The following RNLS variants were observed in gnomAD, a reference collection of about 807,000 sequenced individuals.
The protein encoded by RNLS is renalase.
RNLS carries 39 observed loss-of-function variants against 39.8 expected under a neutral mutation model. That is an observed-to-expected ratio of 0.98 (90% CI 0.76 to 1.28). The LOEUF (loss-of-function observed/expected upper bound fraction) is 1.28, where lower values mean the gene tolerates loss of function less well. Ranked by LOEUF, RNLS falls within the 50% of genes most tolerant of loss-of-function variation. The pLI, the probability that RNLS is intolerant of heterozygous loss-of-function variation, is 0.00. For missense variants in RNLS, 410 were observed against 413.3 expected, an observed-to-expected ratio of 0.99 and a Z score of 0.07; for synonymous variants, 147 against 150.7, an observed-to-expected ratio of 0.98 and a Z score of 0.18.
At chr10:88,511,034 AC>A (rs141978290) in intron 4 of RNLS, among the ~76,000 whole-genome samples, 62,447 of 146,434 alleles carry the variant, frequency 0.43, 13,570 homozygotes, top group East Asian at 0.57. Flanking sequence ...AAAAAAAAAA[AC>A]CAAAAACCTG....
In RNLS at chr10:88,333,452, G is replaced by T. The variant is rs976141539; in HGVS notation, c.701-18811C>A. Among the ~76,000 whole-genome samples, 7 of 152,158 alleles carry T rather than the reference G, an allele frequency of 4.6e-5. No homozygotes were observed. The East Asian group carries it at 9.6e-4, about 21-fold the overall frequency. On this transcript the variant is annotated intron_variant, in intron 5 of 6. Coordinates refer to ENST00000331772, the MANE Select transcript of RNLS (RefSeq NM_001031709.3). ...CCTGAAATTTTCTACAAATGAGCCC[G>T]CATATTTACTTCCCGTTTAATAACG... is the stretch of plus-strand genomic sequence containing the variant.
intron 4 of RNLS, among the ~76,000 whole-genome samples, chr10:88,417,843 T>C (rs1854131974): frequency 6.6e-6 from 1 of 152,242 alleles, no homozygotes; most frequent in Admixed American, 6.5e-5. Flanking sequence ...CACAACTTTA[T>C]GCACTATAGA....
intron 4 of RNLS, among the ~76,000 whole-genome samples, chr10:88,386,682 A>G (rs778606762): frequency 6.6e-6 from 1 of 152,206 alleles, no homozygotes; most frequent in Non-Finnish European, 1.5e-5. Context: ...TCTAGCTATC[A>G]TTCCCATGTT....
chr10:88,356,878 C>A (rs1001708814), intron 5 of RNLS, among the ~76,000 whole-genome samples: 9 of 151,972 alleles, frequency 5.9e-5, no homozygotes, highest in African/African-American at 2.2e-4. Flanking sequence ...TTAATCTCCT[C>A]AGATTGCTGC....
At chr10:88,372,249 C>A (rs1850620914) in intron 4 of RNLS, among the ~76,000 whole-genome samples, 2 of 152,090 alleles carry the variant, frequency 1.3e-5, no homozygotes, top group Admixed American at 1.3e-4. Flanking sequence ...CTCCCCTCTC[C>A]CCCTGGCAAT....
chr10:88,197,738 C>T, the RNLS span, among the ~76,000 whole-genome samples: 1 of 152,020 alleles, frequency 6.6e-6, no homozygotes, highest in Non-Finnish European at 1.5e-5. Context: ...GGCCCTAATT[C>T]GATAAGATTG....
At chr10:88,245,906 T>C in the RNLS span, among the ~76,000 whole-genome samples, 2 of 152,214 alleles carry the variant, frequency 1.3e-5, no homozygotes, top group Non-Finnish European at 2.9e-5. Flanking sequence ...TTTTTCTTTC[T>C]GTTTATCTTT....
At chr10:88,192,428 A>G in the RNLS span, among the ~76,000 whole-genome samples, 2 of 152,246 alleles carry the variant, frequency 1.3e-5, no homozygotes, top group African/African-American at 4.8e-5. Context: ...AAATAAAAGA[A>G]GTTTATTTGG....
Position 88,451,781 on chromosome 10 carries a change from T to C in RNLS, c.527-89056A>G, listed in dbSNP as rs117342095. Reference sequence around the variant, plus strand: ...ACAAGTAACTTGACCCTATTGCCTATATGGCTTAAAAGTTAAACATCACAG... The same window carrying C: ...ACAAGTAACTTGACCCTATTGCCTACATGGCTTAAAAGTTAAACATCACAG... On this transcript the variant is annotated intron_variant, in intron 4 of 6. Transcript: ENST00000331772. Among the ~76,000 whole-genome samples the C allele has an allele frequency of 8.5e-3, 1,300 of 152,274 alleles. 7 individuals carry two copies. Among genetic ancestry groups the C allele is most frequent in the Middle Eastern group, 0.02 (6 of 294 alleles).
chr10:88,575,117 C>T (rs1850085128), intron 3 of RNLS, among the ~76,000 whole-genome samples: 1 of 104,952 alleles, frequency 9.5e-6, no homozygotes, highest in African/African-American at 3.9e-5. Flanking sequence ...ACAAGGTGTT[C>T]TGCAAAGTAT....
intron 6 of RNLS, among the ~76,000 whole-genome samples, chr10:88,290,746 T>G (rs957457688): frequency 1.3e-5 from 2 of 152,214 alleles, no homozygotes; most frequent in African/African-American, 4.8e-5. Context: ...TGCTGATGTC[T>G]GATATCCATG....
chr10:88,250,988 G>A, the RNLS span, among the ~76,000 whole-genome samples: 3 of 152,126 alleles, frequency 2.0e-5, no homozygotes, highest in South Asian at 2.1e-4. Flanking sequence ...CACCTTGATT[G>A]TTTTAAAAGC....
At chr10:88,421,803 A>C (rs1325852866) in intron 4 of RNLS, among the ~76,000 whole-genome samples, 3 of 152,168 alleles carry the variant, frequency 2.0e-5, no homozygotes, top group African/African-American at 7.2e-5. Context: ...CCACTGTCCC[A>C]ATTACGTTTC....
intron 6 of RNLS, among the ~76,000 whole-genome samples, chr10:88,289,153 A>T (rs1251210025): frequency 6.6e-6 from 1 of 152,192 alleles, no homozygotes; most frequent in African/African-American, 2.4e-5. Flanking sequence ...ATATAAATAA[A>T]GCTGAAGAAG....
intron 6 of RNLS, among the ~76,000 whole-genome samples, chr10:88,286,859 CAT>C (rs1459726546): frequency 6.6e-6 from 1 of 150,886 alleles, no homozygotes. Flanking sequence ...ATGGCATGAT[CAT>C]AGCTCACTGC....
chr10:88,359,516 C>CAA (rs1472194846), intron 5 of RNLS, among the ~76,000 whole-genome samples: 1 of 152,158 alleles, frequency 6.6e-6, no homozygotes, highest in Admixed American at 6.5e-5. Flanking sequence ...TACTGGCATT[C>CAA]TGTCTCACTT....
the RNLS span, among the ~76,000 whole-genome samples, chr10:88,175,526 T>G: frequency 6.6e-6 from 1 of 152,240 alleles, no homozygotes; most frequent in East Asian, 1.9e-4. Flanking sequence ...AGATATTTGT[T>G]AATTTCCATG....
intron 6 of RNLS, among the ~76,000 whole-genome samples, chr10:88,309,725 G>A (rs1449821099): frequency 6.6e-6 from 1 of 152,152 alleles, no homozygotes; most frequent in Non-Finnish European, 1.5e-5. Flanking sequence ...AAAATGACAA[G>A]CCGACATGGC....
At chr10:88,423,323 T>C (rs1210929017) in intron 4 of RNLS, among the ~76,000 whole-genome samples, 1 of 152,206 alleles carries the variant, frequency 6.6e-6, no homozygotes, top group Admixed American at 6.5e-5. Flanking sequence ...ATATCTCTTA[T>C]ATCATTAGAA....
Sources: allele counts gnomAD v4.1 joint callset (sites outside exome capture counted in the v4.1 genomes callset), GRCh38; gene constraint gnomAD v4.1.1; transcripts MANE v1.5; gene names NCBI Gene and HGNC (gene_info 2026-07-23, HGNC 2026-07-21).